Variants in USP49 observed in about 807,000 individuals in gnomAD.
USP49 encodes ubiquitin carboxyl-terminal hydrolase 49.
Under a neutral mutation model 58.6 loss-of-function variants are expected in USP49, and 24 were observed. The observed-to-expected ratio is 0.41, with a 90% confidence interval of 0.30 to 0.58. The LOEUF is 0.58. USP49 is among the 20% of genes least tolerant of loss of function. USP49 has a pLI of 0.30. For synonymous variants in USP49, 408 were observed against 365.1 expected (o/e 1.12, Z -1.34); for missense variants, 703 against 866.1 (o/e 0.81, Z 2.36).
chr6:41,804,360 T>C (rs983849290), intron 4 of USP49, among the ~76,000 whole-genome samples: 5 of 152,152 alleles, frequency 3.3e-5, no homozygotes, highest in African/African-American at 7.2e-5. Flanking sequence ...GATTTGCAGG[T>C]CCCTGCCTGC....
intron 3 of USP49, among the ~76,000 whole-genome samples, chr6:41,811,471 A>G (rs1381199921): frequency 1.3e-5 from 2 of 152,208 alleles, no homozygotes; most frequent in African/African-American, 4.8e-5. Context: ...GGAAAAAAAC[A>G]TAGTATATAT....
At chr6:41,837,244 A>G (rs1773743850) in intron 3 of USP49, among the ~76,000 whole-genome samples, 1 of 152,212 alleles carries the variant, frequency 6.6e-6, no homozygotes, top group Non-Finnish European at 1.5e-5. Context: ...ACAGCATGGT[A>G]CTGATATAAA....
chr6:41,807,055 A>T, intron 3 of USP49, 44 bp from the exon 4 acceptor site: 1 of 1,282,886 alleles, frequency 7.8e-7, no homozygotes. Flanking sequence ...AAAAGAAAAC[A>T]CTTTTAGAAA....
chr6:41,886,263 A>G (rs1354765042), intron 2 of USP49, among the ~76,000 whole-genome samples: 1 of 152,230 alleles, frequency 6.6e-6, no homozygotes, highest in African/African-American at 2.4e-5. Flanking sequence ...ATCTATAGGG[A>G]TATTCTTGGC....
At chr6:41,878,149 T>C (rs1774535448) in intron 2 of USP49, among the ~76,000 whole-genome samples, 1 of 152,198 alleles carries the variant, frequency 6.6e-6, no homozygotes, top group Non-Finnish European at 1.5e-5. Flanking sequence ...GAGCTGTATA[T>C]ATGTTAGGTA....
chr6:41,815,859 C>G (rs995344299), intron 3 of USP49, among the ~76,000 whole-genome samples: 7 of 152,218 alleles, frequency 4.6e-5, no homozygotes, highest in African/African-American at 1.7e-4. Flanking sequence ...AGTGTCTAAT[C>G]ATAGGTTACA....
intron 3 of USP49, among the ~76,000 whole-genome samples, chr6:41,828,401 A>G (rs550222329): frequency 6.6e-6 from 1 of 152,318 alleles, no homozygotes; most frequent in East Asian, 1.9e-4. Context: ...GTAAGCCAAG[A>G]TGGCACCACT....
At chr6:41,831,552 C>T (rs1773635349) in intron 3 of USP49, among the ~76,000 whole-genome samples, 1 of 147,108 alleles carries the variant, frequency 6.8e-6, no homozygotes, top group Non-Finnish European at 1.5e-5. Context: ...TGCACTCCAG[C>T]TTGGGCAACA....
intron 3 of USP49, among the ~76,000 whole-genome samples, chr6:41,816,650 T>G (rs1377881463): frequency 6.6e-6 from 1 of 152,128 alleles, no homozygotes; most frequent in African/African-American, 2.4e-5. Context: ...AATTCACTCA[T>G]GTAAAGTAAA....
chr6:41,801,512 G>A (rs902441541), intron 5 of USP49, among the ~76,000 whole-genome samples: 2 of 152,180 alleles, frequency 1.3e-5, no homozygotes, highest in African/African-American at 4.8e-5. Context: ...AACAGAAATG[G>A]AATTCACAGA....
chr6:41,870,149 T>C (rs1774389394), intron 3 of USP49, among the ~76,000 whole-genome samples: 2 of 152,228 alleles, frequency 1.3e-5, no homozygotes, highest in Middle Eastern at 3.2e-3. Flanking sequence ...ATGAGAATTA[T>C]AGTTAACATT....
intron 2 of USP49, among the ~76,000 whole-genome samples, chr6:41,890,911 G>T (rs1324156248): frequency 6.6e-6 from 1 of 152,170 alleles, no homozygotes; most frequent in Non-Finnish European, 1.5e-5. Context: ...TAAAAAGGTG[G>T]ATGGGGAATC....
rs552529545 is a variant in USP49, at chr6:41,806,252, G to C, written c.732C>G (p.Arg244=). 1.1e-5 allele frequency: 17 copies of C among 1,608,540 alleles called. No individual in the cohort carries two copies. In the African/African-American group the frequency reaches 1.1e-4, roughly 10 times the overall value. The change falls in exon 4 of 8, where the codon CGC becomes CGG. Residue 244 remains arginine, a synonymous_variant. Coordinates refer to ENST00000682992, the MANE Select transcript of USP49 (RefSeq NM_001286554.2). This position sits in a 1 kb window ranked among gnomAD's most constrained non-coding sequence, Gnocchi z 5.9. ...TGACGCCTGGGGCCATGGCCGGCTG[G>C]CGACGCAGCTTGAGTGTGGCGGCGG... ...RVPAATLKLR[R]QPAMAPGVTG...
At chr6:41,819,436 T>C (rs1179515299) in intron 3 of USP49, among the ~76,000 whole-genome samples, 1 of 152,106 alleles carries the variant, frequency 6.6e-6, no homozygotes, top group East Asian at 1.9e-4. Context: ...CGCCATGTTC[T>C]CTACAGCAGC....
intron 3 of USP49, among the ~76,000 whole-genome samples, chr6:41,850,730 G>A (rs908267667): frequency 1.3e-5 from 2 of 151,328 alleles, no homozygotes; most frequent in African/African-American, 4.9e-5. Flanking sequence ...TCAGCCTCCT[G>A]AGTAGCTGGG....
At chr6:41,833,369 T>C (rs965032125) in intron 3 of USP49, among the ~76,000 whole-genome samples, 5 of 152,156 alleles carry the variant, frequency 3.3e-5, no homozygotes, top group African/African-American at 7.2e-5. Context: ...CAGATTCATA[T>C]AGTCTTCAAT....
At chr6:41,865,803 C>CTT (rs55695314) in intron 3 of USP49, among the ~76,000 whole-genome samples, 185 of 118,980 alleles carry the variant, frequency 1.6e-3, no homozygotes, top group South Asian at 2.0e-3. Context: ...CATGCCTGGC[C>CTT]TTTTTTTTTT....
intron 3 of USP49, among the ~76,000 whole-genome samples, chr6:41,866,589 G>T (rs1774323717): frequency 6.6e-6 from 1 of 152,078 alleles, no homozygotes; most frequent in Admixed American, 6.5e-5. Flanking sequence ...ACCCACACTG[G>T]GATCATTACA....
chr6:41,816,454 G>A (rs1773352025), intron 3 of USP49, among the ~76,000 whole-genome samples: 1 of 152,024 alleles, frequency 6.6e-6, no homozygotes, highest in African/African-American at 2.4e-5. Context: ...TGCTTCCTGT[G>A]TCTGTAATTA....
Sources: allele counts gnomAD v4.1 joint callset (sites outside exome capture counted in the v4.1 genomes callset), GRCh38; gene constraint gnomAD v4.1.1; non-coding constraint Gnocchi (gnomAD v3.1); transcripts MANE v1.5; gene names NCBI Gene and HGNC (gene_info 2026-07-23, HGNC 2026-07-21).